The following BMP2K variants were observed in gnomAD, a reference collection of about 807,000 sequenced individuals.
BMP2K encodes the protein BMP2 inducible kinase, also known as BMP-2-inducible protein kinase.
In BMP2K, 74 loss-of-function variants were observed where a neutral mutation model predicts 116.0. The ratio of observed to expected loss-of-function variants is 0.64; its 90% confidence interval spans 0.53 to 0.77. BMP2K has a LOEUF of 0.77. Among genes scored for constraint, BMP2K ranks in the 30% least tolerant of loss-of-function variants. The pLI is 0.00. For synonymous variants in BMP2K, 486 were observed against 502.5 expected (o/e 0.97, Z 0.44); for missense variants, 1,365 against 1,403.6 (o/e 0.97, Z 0.44).
Position 78,913,357 on chromosome 4 carries a change from T to G in BMP2K, c.*1324T>G, listed in dbSNP as rs1202639063. ...TTGCCTTTTTTTACACCACAAATCC[T>G]AATTAGAAACTTGAGGTTTTATAGA... On this transcript the variant is annotated 3_prime_UTR_variant, in exon 16 of 16. Transcript: ENST00000502613. The G allele has an allele frequency of 1.3e-5, 2 of 152,188 alleles. No individual in the cohort carries two copies. Among genetic ancestry groups the G allele is most frequent in the Non-Finnish European group, 2.9e-5 (2 of 68,000 alleles). 9.4% of individuals were successfully genotyped at this position (152,188 alleles called of 1,614,324 possible).
chr4:78,779,987 G>A (rs1211746207), intron 1 of BMP2K, among the ~76,000 whole-genome samples: 7 of 152,160 alleles, frequency 4.6e-5, no homozygotes, highest in Non-Finnish European at 1.0e-4. Flanking sequence ...AAATGAGGGA[G>A]AGCGGTATGT....
In BMP2K at chr4:78,859,611, A is replaced by G; in HGVS notation, c.911A>G (p.His304Arg). ...TTCATGCTTGAACCAGATCCGGAAC[A>G]TAGACCTGATATATTTCAAGTGTCA... is the stretch of plus-strand genomic sequence containing the variant. ...IRFMLEPDPE[H>R]RPDIFQVSYF... The change falls in exon 8 of 16, where the codon CAT (histidine) becomes CGT (arginine). Residue 304 changes from histidine to arginine, a missense_variant. By Grantham distance (29) the His-to-Arg change is conservative. Coordinates refer to ENST00000502613, the MANE Select transcript of BMP2K (RefSeq NM_198892.2). The G allele has an allele frequency of 3.7e-6, 6 of 1,610,562 alleles. No individual in the cohort carries two copies. Among genetic ancestry groups the G allele is most frequent in the Non-Finnish European group, 5.1e-6 (6 of 1,178,236 alleles).
intron 1 of BMP2K, among the ~76,000 whole-genome samples, chr4:78,805,533 A>G (rs1181637005): frequency 6.6e-6 from 1 of 152,086 alleles, no homozygotes; most frequent in Non-Finnish European, 1.5e-5. Context: ...TAGGTCCTTA[A>G]TTTCTTTCAA....
At chr4:78,894,311 T>G (rs1733589037) in intron 15 of BMP2K, among the ~76,000 whole-genome samples, 1 of 152,228 alleles carries the variant, frequency 6.6e-6, no homozygotes, top group Non-Finnish European at 1.5e-5. Flanking sequence ...AGATGGCATC[T>G]TCCAATAGAA....
rs746429456 is a variant in BMP2K at position 78,911,446 on chromosome 4, C to G, written c.2899C>G (p.Gln967Glu). Residue 967 changes from glutamine (Q) to glutamate (E), a missense_variant, in exon 16 of 16, where the codon CAG becomes GAG. Gln to Glu is a conservative substitution (Grantham distance 29). Transcript: ENST00000502613. The stretch of plus-strand genomic sequence containing the variant: ...CTTTGATGAAATAACGGGGAGCCAG[C>G]AGCAAAAAGTCAAACAGCGCAGCTT... Reference protein sequence around the residue: ...VPFDEITGSQQQKVKQRSLQK... With the variant: ...VPFDEITGSQEQKVKQRSLQK... 5 of 1,614,008 alleles carry G rather than the reference C, an allele frequency of 3.1e-6. No individual in the cohort carries two copies. The Admixed American group carries it at 5.0e-5, about 16-fold the overall frequency.
At chr4:78,824,655 G>GT (rs1280519372) in intron 1 of BMP2K, among the ~76,000 whole-genome samples, 2 of 152,076 alleles carry the variant, frequency 1.3e-5, no homozygotes, top group Admixed American at 6.6e-5. Flanking sequence ...ATTCCTAATA[G>GT]TTTTTTTCCT....
intron 5 of BMP2K, among the ~76,000 whole-genome samples, chr4:78,845,418 G>A (rs1198442219): frequency 1.3e-5 from 2 of 151,552 alleles, no homozygotes; most frequent in African/African-American, 2.4e-5. Context: ...AAACATTTAA[G>A]CTTTTACTTC....
chr4:78,874,078 T>C (rs978396659), intron 13 of BMP2K, among the ~76,000 whole-genome samples: 1 of 151,964 alleles, frequency 6.6e-6, no homozygotes, highest in African/African-American at 2.4e-5. Flanking sequence ...CTTGGGAGGC[T>C]GAGGCAGGAG....
intron 3 of BMP2K, 90 bp from the exon 4 acceptor site, chr4:78,842,295 T>C: frequency 1.7e-6 from 2 of 1,168,238 alleles, no homozygotes; most frequent in Non-Finnish European, 2.3e-6. Flanking sequence ...AATTTCCCAT[T>C]ACTTGAAGCC....
intron 2 of BMP2K, among the ~76,000 whole-genome samples, 172 bp downstream of exon 2, chr4:78,826,327 A>G (rs112260568): frequency 3.3e-5 from 5 of 152,144 alleles, no homozygotes; most frequent in African/African-American, 1.2e-4. Flanking sequence ...TCAGACTCCC[A>G]AGTAGCCAGG....
chr4:78,841,900 C>A (rs1044014026), intron 3 of BMP2K, among the ~76,000 whole-genome samples: 1 of 152,014 alleles, frequency 6.6e-6, no homozygotes, highest in Non-Finnish European at 1.5e-5. Context: ...GGTACCCTGT[C>A]TTCCTCATCT....
chr4:78,883,932 G>A (rs765380568), intron 14 of BMP2K, among the ~76,000 whole-genome samples: 1 of 152,032 alleles, frequency 6.6e-6, no homozygotes, highest in Non-Finnish European at 1.5e-5. Context: ...GCCAAGTATG[G>A]TGTGCCTGTA....
chr4:78,847,110 T>C, intron 5 of BMP2K, 78 bp from the exon 6 acceptor site: 1 of 800,938 alleles, frequency 1.2e-6, no homozygotes. Context: ...TAGTGTTTTA[T>C]GTAGAAACAA....
chr4:78,859,465 AATC>A (rs1434363861), intron 7 of BMP2K, 116 bp from the exon 8 acceptor site: 1 of 595,436 alleles, frequency 1.7e-6, no homozygotes, highest in Non-Finnish European at 2.7e-6. Flanking sequence ...AGTTTGCTAG[AATC>A]ATCACTGATC....
chr4:78,797,944 A>G (rs1020221356), intron 1 of BMP2K, among the ~76,000 whole-genome samples: 1 of 152,086 alleles, frequency 6.6e-6, no homozygotes, highest in Non-Finnish European at 1.5e-5. Context: ...CTTCCTCCTC[A>G]TTTGGGACCA....
Position 78,915,768 on chromosome 4 carries a change from G to C in BMP2K, c.*3735G>C, listed in dbSNP as rs981832740. The C allele has an allele frequency of 2.6e-5, 4 of 151,866 alleles. No homozygotes were observed. The highest frequency in any genetic ancestry group is 4.8e-5 in the African/African-American group (2 of 41,388). 9.4% of individuals were successfully genotyped at this position (151,866 alleles called of 1,614,324 possible). A position where few individuals can be genotyped will look rare whatever the true frequency, so the allele number is the denominator to read the frequency against. On this transcript the variant is annotated 3_prime_UTR_variant, in exon 16 of 16. Transcript: ENST00000502613. ...TTTACAAAAGCTACTAAGAGAATAA[G>C]GTAGATGATAATGCAAAGGGTCATG...
chr4:78,895,501 T>G (rs1733655297), intron 15 of BMP2K, among the ~76,000 whole-genome samples: 1 of 151,956 alleles, frequency 6.6e-6, no homozygotes, highest in Non-Finnish European at 1.5e-5. Context: ...TACTTGACAT[T>G]GAGGATTCCC....
chr4:78,838,301 C>T (rs879258399), intron 3 of BMP2K, among the ~76,000 whole-genome samples: 11 of 152,180 alleles, frequency 7.2e-5, no homozygotes, highest in Non-Finnish European at 1.3e-4. Context: ...TGGGATTTCG[C>T]GATGAGCTTT....
chr4:78,800,423 G>A (rs1440193032), intron 1 of BMP2K, among the ~76,000 whole-genome samples: 1 of 152,148 alleles, frequency 6.6e-6, no homozygotes, highest in Non-Finnish European at 1.5e-5. Flanking sequence ...TCTATCTTCT[G>A]TGACTTAATT....
Sources: gnomAD v4.1 joint callset for allele counts (sites outside exome capture counted in the v4.1 genomes callset) on GRCh38, gnomAD v4.1.1 for gene constraint, MANE v1.5 for transcripts, NCBI Gene and HGNC (gene_info 2026-07-23, HGNC 2026-07-21) for gene names.